The following ST14 variants were observed in gnomAD, a reference collection of about 807,000 sequenced individuals.
ST14 encodes the protein ST14 transmembrane serine protease matriptase, also known as suppressor of tumorigenicity 14 protein.
ST14 carries 40 observed loss-of-function variants against 96.5 expected under a neutral mutation model. The ratio of observed to expected loss-of-function variants is 0.41; its 90% confidence interval spans 0.32 to 0.54. The LOEUF (loss-of-function observed/expected upper bound fraction) is 0.54. Ranked by LOEUF, ST14 falls within the 20% of genes least tolerant of loss-of-function variation. The probability of loss-of-function intolerance (pLI) is 0.17; values close to 1 mark genes in which losing one functional copy is unlikely to be tolerated. For synonymous variants in ST14, 506 were observed against 492.1 expected, an observed-to-expected ratio of 1.03 and a Z score of -0.37; for missense variants, 1,066 against 1,188.9, an observed-to-expected ratio of 0.90 and a Z score of 1.52.
intron 16 of ST14, among the ~76,000 whole-genome samples, chr11:130,206,689 T>G (rs938385996): frequency 6.6e-6 from 1 of 151,956 alleles, no homozygotes. Flanking sequence ...TGCCTCAGCC[T>G]CCTGAGTAGC....
chr11:130,204,738 TG>T (rs1953469679), intron 16 of ST14, among the ~76,000 whole-genome samples: 1 of 152,094 alleles, frequency 6.6e-6, no homozygotes, highest in Non-Finnish European at 1.5e-5. Context: ...CGCTTGAGTC[TG>T]GGAGGCGGAG....
At chr11:130,163,592 T>G (rs1373662891) in intron 1 of ST14, among the ~76,000 whole-genome samples, 3 of 152,106 alleles carry the variant, frequency 2.0e-5, no homozygotes, top group Non-Finnish European at 4.4e-5. Flanking sequence ...CTCTAGAGCA[T>G]GTGCTGGGCA....
chr11:130,209,515 G>T lies in ST14; in HGVS notation c.2343G>T (p.Pro781=), dbSNP rs763289583. 3.2e-6 allele frequency: 5 copies of T among 1,583,424 alleles called. No individual in the cohort carries two copies. The stretch of plus-strand genomic sequence containing the variant: ...AGACCACCTGCGAGAACCTCCTGCC[G>T]CAGCAGATCACGCCGCGCATGATGT... ...INQTTCENLL[P]QQITPRMMCV... Residue 781 remains proline, a synonymous_variant, in exon 18 of 19, where the codon CCG becomes CCT. Transcript: ENST00000278742.
Position 130,187,796 on chromosome 11 carries a change from G to A in ST14, c.82-318G>A, listed in dbSNP as rs1953251187. Among the ~76,000 whole-genome samples, 1 of 152,172 alleles carries A rather than the reference G, an allele frequency of 6.6e-6. No homozygotes were observed. Among genetic ancestry groups the A allele is most frequent in the African/African-American group, 2.4e-5 (1 of 41,428 alleles). On this transcript the variant is annotated intron_variant, in intron 1 of 18. Coordinates refer to ENST00000278742, the MANE Select transcript of ST14 (RefSeq NM_021978.4). This position sits in a 1 kb window ranked among gnomAD's most constrained non-coding sequence, Gnocchi z 4.5. The stretch of plus-strand genomic sequence containing the variant: ...ACTGAAGGGGAGACCTGGATGACCG[G>A]GTTCGACAGCCCTTCATTGCGTTTT...
At chr11:130,167,300 A>T (rs996596145) in intron 1 of ST14, among the ~76,000 whole-genome samples, 1 of 152,206 alleles carries the variant, frequency 6.6e-6, no homozygotes, top group African/African-American at 2.4e-5. Flanking sequence ...TTTCTAAAAA[A>T]ATTTTTTTCC....
chr11:130,178,067 C>T (rs911422398), intron 1 of ST14, among the ~76,000 whole-genome samples: 1 of 152,216 alleles, frequency 6.6e-6, no homozygotes, highest in East Asian at 1.9e-4. Context: ...CTCAGGCACA[C>T]AGGCTCAAAC....
At chr11:130,182,506 C>A (rs1450010267) in intron 1 of ST14, among the ~76,000 whole-genome samples, 2 of 151,886 alleles carry the variant, frequency 1.3e-5, no homozygotes, top group African/African-American at 2.4e-5. Flanking sequence ...GTATTTCTGT[C>A]TTTCTTATCA....
At position 130,188,138 on chromosome 11, in the gene ST14, G is replaced by T; in HGVS notation, c.106G>T (p.Val36Leu). The T allele has an allele frequency of 1.2e-6, 2 of 1,614,192 alleles. No individual in the cohort carries two copies. Among genetic ancestry groups the T allele is most frequent in the Non-Finnish European group, 1.7e-6 (2 of 1,180,044 alleles). The stretch of plus-strand genomic sequence containing the variant: ...GAAAGTGAATGGCTTGGAGGAAGGC[G>T]TGGAGTTCCTGCCAGTCAACAACGT... ...HEKVNGLEEG[V>L]EFLPVNNVKK... The change falls in exon 2 of 19, where the codon GTG becomes TTG. Residue 36 changes from valine to leucine, a missense_variant. Val to Leu is a conservative substitution (Grantham distance 32). Transcript: ENST00000278742. This position sits in a 1 kb window ranked among gnomAD's most constrained non-coding sequence, Gnocchi z 5.4.
intron 4 of ST14, chr11:130,189,519 C>T (rs1360014238): frequency 8.3e-6 from 5 of 605,646 alleles, no homozygotes; most frequent in South Asian, 2.0e-5. Context: ...CCCCCAGAAT[C>T]GGTCTGGTTG....
intron 1 of ST14, among the ~76,000 whole-genome samples, chr11:130,175,933 A>G (rs187349109): frequency 6.7e-6 from 1 of 149,656 alleles, no homozygotes; most frequent in East Asian, 2.0e-4. Flanking sequence ...AAAGTACTGA[A>G]ATTACAGGCG....
At chr11:130,176,384 T>TTTTCC (rs1334452974) in intron 1 of ST14, among the ~76,000 whole-genome samples, 1 of 151,502 alleles carries the variant, frequency 6.6e-6, no homozygotes, top group Non-Finnish European at 1.5e-5. Flanking sequence ...TTTTTTTTTC[T>TTTTCC]TTTTCTTTTC....
chr11:130,189,752 A>G lies in ST14; in HGVS notation c.454A>G (p.Ile152Val), dbSNP rs79445381. ...CTCTCTCCCCAGCGAGGGCAGCGTC[A>G]TCGCCTACTACTGGTCTGAGTTCAG... is the stretch of plus-strand genomic sequence containing the variant. ...AVTAFSEGSV[I>V]AYYWSEFSIP... is the part of the protein sequence containing the mutation. The change falls in exon 5 of 19, where the codon ATC (isoleucine) becomes GTC (valine). Residue 152 changes from isoleucine to valine, a missense_variant. Transcript: ENST00000278742. The G allele has an allele frequency of 1.8e-3, 2,833 of 1,612,952 alleles. 43 individuals are homozygous for G. In the African/African-American group the frequency reaches 0.032, roughly 18 times the overall value.
chr11:130,167,700 C>T (rs190127526), intron 1 of ST14, among the ~76,000 whole-genome samples: 4 of 151,804 alleles, frequency 2.6e-5, no homozygotes, highest in Admixed American at 2.6e-4. Context: ...AGCTGAATTT[C>T]GAAGGGCAGG....
At position 130,198,627 on chromosome 11, in the gene ST14, G is replaced by A; in HGVS notation, c.1684+6G>A. The A allele has an allele frequency of 6.2e-7, 1 of 1,611,200 alleles. No homozygotes were observed. The highest frequency in any genetic ancestry group is 1.7e-5 in the Admixed American group (1 of 59,954). On this transcript the variant is annotated splice_donor_region_variant and intron_variant, in intron 14 of 18. Coordinates refer to ENST00000278742, the MANE Select transcript of ST14 (RefSeq NM_021978.4). ...CGAGGCCTCCTGCCCCAAGGGTGAGGCCCGCCCCACCCATCTTCCTGTTGG... is the reference window on the plus strand; with the variant it reads ...CGAGGCCTCCTGCCCCAAGGGTGAGACCCGCCCCACCCATCTTCCTGTTGG...
chr11:130,188,180 C>G lies in ST14; in HGVS notation c.148C>G (p.His50Asp). ...PVNNVKKVEK[H>D]GPGRWVVLAA... ...CAACAACGTCAAGAAGGTGGAAAAG[C>G]ATGGCCCGGGGCGCTGGGTGGTGCT... Residue 50 changes from histidine to aspartate, a missense_variant, in exon 2 of 19, where the codon CAT becomes GAT. Transcript: ENST00000278742. This position sits in a 1 kb window ranked among gnomAD's most constrained non-coding sequence, Gnocchi z 5.4. 1 of 1,614,230 alleles carries G rather than the reference C, an allele frequency of 6.2e-7. No individual in the cohort carries two copies. Among genetic ancestry groups the G allele is most frequent in the Non-Finnish European group, 8.5e-7 (1 of 1,180,040 alleles).
In ST14 at chr11:130,210,178, C is replaced by T; in HGVS notation, c.*355C>T. ...CGGGAACGGAGCTTCGGGGCCTCCT[C>T]AGTGAAGGTGGTGGGGCTGCCGGAT... On this transcript the variant is annotated 3_prime_UTR_variant, in exon 19 of 19. Coordinates refer to ENST00000278742, the MANE Select transcript of ST14 (RefSeq NM_021978.4). 4.3e-6 allele frequency: 1 copy of T among 234,938 alleles called. No homozygotes were observed. Among genetic ancestry groups the T allele is most frequent in the East Asian group, 1.1e-4 (1 of 9,462 alleles). The allele number at this position is 234,938 out of a possible 1,614,324, so 14.6% of individuals were successfully genotyped here.
chr11:130,170,674 T>C (rs1310146076), intron 1 of ST14, among the ~76,000 whole-genome samples: 1 of 151,548 alleles, frequency 6.6e-6, no homozygotes, highest in East Asian at 2.0e-4. Context: ...AGGAACCTCT[T>C]GGTTCCTAAC....
intron 1 of ST14, among the ~76,000 whole-genome samples, chr11:130,163,076 G>A (rs1481796576): frequency 1.3e-5 from 2 of 152,172 alleles, no homozygotes; most frequent in Non-Finnish European, 2.9e-5. Flanking sequence ...AAATGATGCA[G>A]CTTGAGTTTT....
Position 130,200,216 on chromosome 11 carries a change from C to T in ST14, c.1994+79C>T, listed in dbSNP as rs117266705. The T allele has an allele frequency of 5.6e-3, 8,593 of 1,546,522 alleles. 21 individuals carry two copies. The highest frequency in any genetic ancestry group is 6.6e-3 in the Non-Finnish European group (7,531 of 1,134,262). ...GAGTAATGCCAGGATAGGTTGGCAC[C>T]GAGGCAGGGCACTGGAGGGGTGGCC... On this transcript the variant is annotated intron_variant, in intron 16 of 18. Transcript: ENST00000278742.
Sources: allele counts gnomAD v4.1 joint callset (sites outside exome capture counted in the v4.1 genomes callset), GRCh38; gene constraint gnomAD v4.1.1; non-coding constraint Gnocchi (gnomAD v3.1); transcripts MANE v1.5; gene names NCBI Gene and HGNC (gene_info 2026-07-23, HGNC 2026-07-21).